Variants in PTPRJ observed in about 807,000 individuals in gnomAD.
PTPRJ encodes protein tyrosine phosphatase receptor type J.
In PTPRJ, 129 loss-of-function variants were observed where a neutral mutation model predicts 141.3. The observed-to-expected ratio is 0.91, with a 90% CI of 0.79 to 1.06. PTPRJ has a LOEUF of 1.06. Among genes scored for constraint, PTPRJ ranks in the 50% least tolerant of loss-of-function variants. The probability of loss-of-function intolerance (pLI) is 0.00; values close to 1 mark genes in which losing one functional copy is unlikely to be tolerated. For synonymous variants in PTPRJ, 610 were observed against 640.5 expected, an observed-to-expected ratio of 0.95 and a Z score of 0.72; for missense variants, 1,601 against 1,679.7, an observed-to-expected ratio of 0.95 and a Z score of 0.82.
chr11:48,042,785 TGAGA>T (rs1221047001), intron 1 of PTPRJ, among the ~76,000 whole-genome samples: 9 of 146,340 alleles, frequency 6.2e-5, no homozygotes, highest in East Asian at 4.0e-4. Context: ...TGTGTGTGTG[TGAGA>T]GAGAGAGAGA....
intron 1 of PTPRJ, among the ~76,000 whole-genome samples, chr11:48,073,490 T>C (rs187114538): frequency 6.6e-6 from 1 of 152,364 alleles, no homozygotes; most frequent in Admixed American, 6.5e-5. Context: ...GCACAGTGTT[T>C]ACTAGCACAG....
chr11:48,119,709 C>T lies in PTPRJ; in HGVS notation c.353-1294C>T, dbSNP rs140780367. On this transcript the variant is annotated intron_variant, in intron 3 of 24. Transcript: ENST00000418331. Reference sequence around the variant, plus strand: ...ATGAGCCAGTGTGCCTGGCTTCCTGCAGTTTTTTTATTGATTGGATGAATG... The same window carrying T: ...ATGAGCCAGTGTGCCTGGCTTCCTGTAGTTTTTTTATTGATTGGATGAATG... Among the ~76,000 whole-genome samples, 525 of 152,264 alleles carry T rather than the reference C, an allele frequency of 3.4e-3. 3 individuals are homozygous for T. Among genetic ancestry groups the T allele is most frequent in the Middle Eastern group, 6.8e-3 (2 of 294 alleles).
rs1395981276 is a variant in PTPRJ, at chr11:48,136,245, C to G, written c.1822C>G (p.Pro608Ala). ...PGTLYNITIS[P>A]EVDHVWGDPN... ...CACCTTATATAACATCACCATCTCT[C>G]CAGAAGTGGACCACGTCTGGGGGGA... Residue 608 changes from proline (P) to alanine (A), a missense_variant, in exon 9 of 25, where the codon CCA becomes GCA. Physicochemically the swap from Pro to Ala is conservative, Grantham distance 27. Transcript: ENST00000418331. The G allele has an allele frequency of 7.4e-6, 12 of 1,614,228 alleles. No individual in the cohort carries two copies. Among genetic ancestry groups the G allele is most frequent in the Non-Finnish European group, 1.0e-5 (12 of 1,180,044 alleles).
At chr11:48,099,236 G>T (rs1235211814) in intron 1 of PTPRJ, among the ~76,000 whole-genome samples, 1 of 152,164 alleles carries the variant, frequency 6.6e-6, no homozygotes, top group Non-Finnish European at 1.5e-5. Context: ...TAGCCCATGG[G>T]CCAAATGCAG....
At chr11:48,093,121 G>A (rs568794033) in intron 1 of PTPRJ, among the ~76,000 whole-genome samples, 4 of 152,166 alleles carry the variant, frequency 2.6e-5, no homozygotes, top group East Asian at 3.9e-4. Context: ...AGCTGGATTC[G>A]TTTTCACTAA....
intron 7 of PTPRJ, 82 bp from the exon 8 acceptor site, chr11:48,130,377 A>C (rs1375285636): frequency 7.3e-7 from 1 of 1,378,576 alleles, no homozygotes; most frequent in Non-Finnish European, 1.0e-6. Context: ...TGTACATTTC[A>C]TCTCAGTATT....
chr11:48,139,658 G>A lies in PTPRJ; in HGVS notation c.2325G>A (p.Glu775=). The A allele has an allele frequency of 6.2e-7, 1 of 1,614,244 alleles. No individual in the cohort carries two copies. Among genetic ancestry groups the A allele is most frequent in the Non-Finnish European group, 8.5e-7 (1 of 1,180,044 alleles). The stretch of plus-strand genomic sequence containing the variant: ...GCTGCTCCTCTGAGAATGGCACTGA[G>A]TATAGAACGGAAGTCACGTATTTGA... ...LESCSSENGT[E]YRTEVTYLNF... Residue 775 remains glutamate, a synonymous_variant, in exon 11 of 25, where the codon GAG becomes GAA. Transcript: ENST00000418331.
At chr11:48,088,336 A>T (rs963132854) in intron 1 of PTPRJ, among the ~76,000 whole-genome samples, 1 of 152,238 alleles carries the variant, frequency 6.6e-6, no homozygotes, top group Admixed American at 6.5e-5. Context: ...CCTGGCAGAT[A>T]TCAAGACCAA....
At chr11:48,073,305 G>T (rs1855310424) in intron 1 of PTPRJ, among the ~76,000 whole-genome samples, 1 of 152,212 alleles carries the variant, frequency 6.6e-6, no homozygotes, top group Non-Finnish European at 1.5e-5. Context: ...CCCACATGAG[G>T]TCCAGCTTCT....
chr11:48,035,437 G>A (rs984722447), intron 1 of PTPRJ, among the ~76,000 whole-genome samples: 5 of 151,992 alleles, frequency 3.3e-5, no homozygotes, highest in Non-Finnish European at 5.9e-5. Context: ...TTGTAGTGAA[G>A]AGCCTGGGCC....
intron 1 of PTPRJ, among the ~76,000 whole-genome samples, chr11:48,057,366 C>T (rs1008339797): frequency 7.2e-5 from 11 of 152,158 alleles, no homozygotes; most frequent in African/African-American, 1.9e-4. Flanking sequence ...TTTCAGATTT[C>T]GGAACCACTT....
At chr11:48,147,057 T>TA in intron 15 of PTPRJ, 94 bp downstream of exon 15, 1 of 1,039,044 alleles carries the variant, frequency 9.6e-7, no homozygotes, top group Non-Finnish European at 1.5e-6. Flanking sequence ...GAAGGAATGA[T>TA]ATGATGAGCG....
At chr11:48,112,025 G>A (rs1427488490) in intron 2 of PTPRJ, among the ~76,000 whole-genome samples, 3 of 152,108 alleles carry the variant, frequency 2.0e-5, no homozygotes, top group African/African-American at 4.8e-5. Context: ...AGCGGTGAAT[G>A]TTCTGAGCTG....
chr11:48,108,645 G>A (rs926226317), intron 1 of PTPRJ, among the ~76,000 whole-genome samples: 22 of 152,176 alleles, frequency 1.4e-4, no homozygotes, highest in Non-Finnish European at 3.2e-4. Context: ...TGCCCTGTGC[G>A]ACTTGCCTAG....
intron 1 of PTPRJ, among the ~76,000 whole-genome samples, chr11:48,102,695 G>A (rs947717307): frequency 1.3e-5 from 2 of 152,094 alleles, no homozygotes; most frequent in African/African-American, 2.4e-5. Context: ...GGGATTACAA[G>A]TGTGAGCCAC....
rs375636032 is a variant in PTPRJ, at chr11:48,149,519, A to G, written c.3041+31A>G. ...TCTCTCAAATTATGAGCTTTATTTT[A>G]AATCCTCCAATCTGTTCGGTGACTA... is the stretch of plus-strand genomic sequence containing the variant. On this transcript the variant is annotated intron_variant, in intron 16 of 24. Transcript: ENST00000418331. 6 of 1,366,522 alleles carry G rather than the reference A, an allele frequency of 4.4e-6. No homozygotes were observed. The African/African-American group carries it at 8.8e-5, about 20-fold the overall frequency. The allele number at this position is 1,366,522 out of a possible 1,614,324, so 84.6% of individuals were successfully genotyped here.
At chr11:48,075,293 G>A (rs1333610755) in intron 1 of PTPRJ, among the ~76,000 whole-genome samples, 2 of 151,978 alleles carry the variant, frequency 1.3e-5, no homozygotes, top group Admixed American at 6.6e-5. Context: ...ACAGGGGCCC[G>A]CTACCACGCC....
At chr11:48,014,646 C>G (rs1161408015) in intron 1 of PTPRJ, 1 of 152,170 alleles carries the variant, frequency 6.6e-6, no homozygotes, top group Non-Finnish European at 1.5e-5. Flanking sequence ...TGTGAGTTAT[C>G]ACACATTATC....
chr11:48,038,552 C>T (rs1854186578), intron 1 of PTPRJ, among the ~76,000 whole-genome samples: 1 of 151,738 alleles, frequency 6.6e-6, no homozygotes, highest in Non-Finnish European at 1.5e-5. Flanking sequence ...AGTGCAGTGG[C>T]ATGATCTCAG....
Sources: gnomAD v4.1 joint callset for allele counts (sites outside exome capture counted in the v4.1 genomes callset) on GRCh38, gnomAD v4.1.1 for gene constraint, MANE v1.5 for transcripts, NCBI Gene and HGNC (gene_info 2026-07-23, HGNC 2026-07-21) for gene names.